The following CPNE8 variants were observed in gnomAD, a reference collection of about 807,000 sequenced individuals.
The protein encoded by CPNE8 is copine 8.
Under a neutral mutation model 81.5 loss-of-function variants are expected in CPNE8, and 45 were observed. The observed-to-expected ratio is 0.55, with a 90% CI of 0.44 to 0.71. The LOEUF (loss-of-function observed/expected upper bound fraction) is 0.71. Ranked by LOEUF, CPNE8 falls within the 30% of genes least tolerant of loss-of-function variation. CPNE8 has a pLI of 0.00. For synonymous variants in CPNE8, 252 were observed against 226.3 expected (o/e 1.11, Z -1.02); for missense variants, 594 against 672.1 (o/e 0.88, Z 1.28).
intron 5 of CPNE8, among the ~76,000 whole-genome samples, chr12:38,832,243 T>C (rs1943299678): frequency 6.6e-6 from 1 of 152,168 alleles, no homozygotes; most frequent in Non-Finnish European, 1.5e-5. Context: ...ATTTCATACC[T>C]ACAAGAAGCA....
chr12:38,728,984 T>C (rs1940769467), intron 11 of CPNE8, among the ~76,000 whole-genome samples: 1 of 152,156 alleles, frequency 6.6e-6, no homozygotes, highest in Non-Finnish European at 1.5e-5. Context: ...TCTCATCAGA[T>C]GTGGCACCAG....
intron 13 of CPNE8, among the ~76,000 whole-genome samples, chr12:38,715,745 C>T (rs912647546): frequency 3.9e-5 from 6 of 152,122 alleles, no homozygotes; most frequent in Middle Eastern, 3.4e-3. Flanking sequence ...GACAATAATG[C>T]CCACTTTCAC....
At chr12:38,809,090 G>GTTTT (rs2136982126) in intron 6 of CPNE8, among the ~76,000 whole-genome samples, 1 of 152,290 alleles carries the variant, frequency 6.6e-6, no homozygotes, top group South Asian at 2.1e-4. Flanking sequence ...ATTTCAAGCT[G>GTTTT]CTTATGTCAG....
Position 38,670,780 on chromosome 12 carries a change from A to G in CPNE8, c.1455T>C (p.Asp485=), listed in dbSNP as rs758844695. The change falls in exon 19 of 20, where the codon GAT becomes GAC. Residue 485 remains aspartate (D), a synonymous_variant. Transcript: ENST00000331366. Reference sequence around the variant, plus strand: ...TTCCTCTAGAGGAGACTCTTACATCATCTCCATCCAATTCGACCATTGCTT... The same window carrying G: ...TTCCTCTAGAGGAGACTCTTACATCGTCTCCATCCAATTCGACCATTGCTT... ...EFDAMVELDG[D]DVRVSSRGKY... is the part of the protein sequence containing the mutation. 31 of 1,609,364 alleles carry G rather than the reference A, an allele frequency of 1.9e-5. No individual in the cohort carries two copies. In the South Asian group the frequency reaches 3.2e-4, roughly 17 times the overall value.
chr12:38,710,821 T>C (rs1173166983), intron 13 of CPNE8, among the ~76,000 whole-genome samples: 7 of 152,212 alleles, frequency 4.6e-5, no homozygotes, highest in African/African-American at 1.4e-4. Flanking sequence ...ATATATCTTA[T>C]GCATATGCAA....
chr12:38,852,558 C>T (rs373712152), intron 3 of CPNE8, among the ~76,000 whole-genome samples: 23 of 151,878 alleles, frequency 1.5e-4, no homozygotes, highest in South Asian at 2.1e-4. Flanking sequence ...GCCAAGATCG[C>T]GCCATTGCAT....
chr12:38,711,261 C>T (rs1190781108), intron 13 of CPNE8, among the ~76,000 whole-genome samples: 1 of 152,144 alleles, frequency 6.6e-6, no homozygotes. Context: ...AACCAAGCAA[C>T]ATAACTATGA....
intron 6 of CPNE8, among the ~76,000 whole-genome samples, chr12:38,817,244 C>T (rs545204700): frequency 3.2e-4 from 48 of 152,238 alleles, no homozygotes; most frequent in Middle Eastern, 3.4e-3. Context: ...ATTGTCAATT[C>T]AAAACAATGA....
intron 1 of CPNE8, among the ~76,000 whole-genome samples, chr12:38,880,703 T>C (rs1172701805): frequency 6.6e-6 from 1 of 152,160 alleles, no homozygotes; most frequent in Non-Finnish European, 1.5e-5. Context: ...AAATCAAAAC[T>C]TTTTTTGAGC....
intron 1 of CPNE8, among the ~76,000 whole-genome samples, chr12:38,879,077 T>C (rs1944110140): frequency 6.6e-6 from 1 of 152,224 alleles, no homozygotes; most frequent in African/African-American, 2.4e-5. Context: ...TTAAGTGATC[T>C]AAATAAATAT....
At chr12:38,859,733 T>C (rs1473601920) in intron 3 of CPNE8, among the ~76,000 whole-genome samples, 1 of 152,098 alleles carries the variant, frequency 6.6e-6, no homozygotes, top group African/African-American at 2.4e-5. Flanking sequence ...ACATGGATCA[T>C]TAGAATAGAA....
chr12:38,656,037 G>A (rs7974698), intron 19 of CPNE8, among the ~76,000 whole-genome samples: 3,661 of 150,402 alleles, frequency 0.024, 146 homozygotes, highest in African/African-American at 0.082. Flanking sequence ...TAGAACTTTT[G>A]TGAAGTGTTT....
chr12:38,776,044 T>G (rs1276663220), intron 7 of CPNE8, among the ~76,000 whole-genome samples, 194 bp downstream of exon 7: 1 of 152,180 alleles, frequency 6.6e-6, no homozygotes, highest in South Asian at 2.1e-4. Flanking sequence ...TTAAAATAAC[T>G]AATTATACTT....
chr12:38,814,549 G>A (rs1255211203), intron 6 of CPNE8, among the ~76,000 whole-genome samples: 1 of 151,772 alleles, frequency 6.6e-6, no homozygotes, highest in East Asian at 1.9e-4. Flanking sequence ...TCTTGAACTT[G>A]TGACCTCAGA....
At chr12:38,807,906 G>GA (rs1471192089) in intron 6 of CPNE8, among the ~76,000 whole-genome samples, 1 of 151,444 alleles carries the variant, frequency 6.6e-6, no homozygotes, top group African/African-American at 2.4e-5. Flanking sequence ...AAATTTACAA[G>GA]AAAAAAACAA....
At chr12:38,809,106 TA>T (rs1201838559) in intron 6 of CPNE8, among the ~76,000 whole-genome samples, 4 of 152,180 alleles carry the variant, frequency 2.6e-5, no homozygotes, top group African/African-American at 9.6e-5. Context: ...GTCAGTTTTC[TA>T]AAATTGCCAA....
chr12:38,737,725 A>C (rs1940987578), intron 10 of CPNE8, among the ~76,000 whole-genome samples: 1 of 152,144 alleles, frequency 6.6e-6, no homozygotes, highest in Admixed American at 6.6e-5. Flanking sequence ...CAGAGATTAA[A>C]CCTGGAACAC....
At chr12:38,827,762 T>C (rs751043571) in intron 6 of CPNE8, among the ~76,000 whole-genome samples, 1 of 151,984 alleles carries the variant, frequency 6.6e-6, no homozygotes, top group Non-Finnish European at 1.5e-5. Context: ...AAGCGGGAGA[T>C]AAACATTGAG....
chr12:38,881,519 C>T (rs1457263650), intron 1 of CPNE8, among the ~76,000 whole-genome samples: 2 of 152,128 alleles, frequency 1.3e-5, no homozygotes, highest in Non-Finnish European at 2.9e-5. Flanking sequence ...TCAGTTTCTG[C>T]TGAAATTGGT....
Sources: gnomAD v4.1 joint callset for allele counts (sites outside exome capture counted in the v4.1 genomes callset) on GRCh38, gnomAD v4.1.1 for gene constraint, MANE v1.5 for transcripts, NCBI Gene and HGNC (gene_info 2026-07-23, HGNC 2026-07-21) for gene names.